UBE2E2: variants seen among roughly 807,000 people sequenced by gnomAD.
UBE2E2 encodes ubiquitin conjugating enzyme E2 E2.
UBE2E2 carries 6 observed loss-of-function variants against 24.7 expected under a neutral mutation model. The observed-to-expected ratio is 0.24, with a 90% CI of 0.13 to 0.48. The LOEUF (loss-of-function observed/expected upper bound fraction) is 0.48, where lower values mean the gene tolerates loss of function less well. Ranked by LOEUF, UBE2E2 falls within the 20% of genes least tolerant of loss-of-function variation. UBE2E2 has a pLI of 0.99. For synonymous variants in UBE2E2, 104 were observed against 83.6 expected (o/e 1.24, Z -1.33); for missense variants, 169 against 245.0 (o/e 0.69, Z 2.07).
At chr3:23,371,156 A>T (rs1263563100) in intron 3 of UBE2E2, among the ~76,000 whole-genome samples, 2 of 152,150 alleles carry the variant, frequency 1.3e-5, no homozygotes, top group African/African-American at 4.8e-5. Flanking sequence ...CAGCATCCCA[A>T]GTAGCTAGGA....
rs201347065 is a variant in UBE2E2, at chr3:23,243,093, AAAAAGAAAAG to A, written c.227+25796_227+25805del. The stretch of plus-strand genomic sequence containing the variant: ...AGAGTGAGACGCTGTTTCAAAAAAA[AAAAAGAAAAG>A]AAAAGAAAAGAAAATAGTTATCACT... On this transcript the variant is annotated intron_variant, in intron 3 of 5. Coordinates refer to ENST00000396703, the MANE Select transcript of UBE2E2 (RefSeq NM_152653.4). Among the ~76,000 whole-genome samples the A allele has an allele frequency of 1.4e-3, 207 of 151,986 alleles. 4 individuals are homozygous for A. Among genetic ancestry groups the A allele is most frequent in the Non-Finnish European group, 4.1e-4 (28 of 67,964 alleles).
At chr3:23,315,195 C>G (rs1178538194) in intron 3 of UBE2E2, among the ~76,000 whole-genome samples, 2 of 152,156 alleles carry the variant, frequency 1.3e-5, no homozygotes, top group South Asian at 4.1e-4. Context: ...CTTCCCCTCC[C>G]CTTTCCCCAG....
chr3:23,365,737 A>G (rs1421000451), intron 3 of UBE2E2, among the ~76,000 whole-genome samples: 1 of 152,188 alleles, frequency 6.6e-6, no homozygotes, highest in East Asian at 1.9e-4. Context: ...TACTGATGAC[A>G]TTCTCCATAG....
chr3:23,247,093 A>C (rs1697432745), intron 3 of UBE2E2, among the ~76,000 whole-genome samples: 9 of 152,142 alleles, frequency 5.9e-5, no homozygotes. Flanking sequence ...AGACCCAAGC[A>C]GTCCTCCTGC....
intron 3 of UBE2E2, among the ~76,000 whole-genome samples, chr3:23,494,350 A>G (rs1214640592): frequency 6.6e-6 from 1 of 152,194 alleles, no homozygotes; most frequent in Admixed American, 6.5e-5. Flanking sequence ...TACCATTTCA[A>G]CATGTAGTTG....
At chr3:23,323,150 C>T (rs1421510954) in intron 3 of UBE2E2, among the ~76,000 whole-genome samples, 1 of 152,054 alleles carries the variant, frequency 6.6e-6, no homozygotes, top group Non-Finnish European at 1.5e-5. Context: ...AAGAAGCTGT[C>T]TATATGTTAT....
rs540213261 is a variant in UBE2E2 at position 23,503,625 on chromosome 3, A to G, written c.360+3885A>G. On this transcript the variant is annotated intron_variant, in intron 4 of 5. Transcript: ENST00000396703. ...TCCCAGCACTTTGGGAGGCTGAGAC[A>G]GGTGGATCATTTGAGATCAGGAGTT... 2.0e-5 allele frequency among the ~76,000 whole-genome samples: 3 copies of G among 152,040 alleles called. 1 individual carries two copies. The highest frequency in any genetic ancestry group is 7.2e-5 in the African/African-American group (3 of 41,506).
chr3:23,524,235 A>G (rs1694936950), intron 4 of UBE2E2, among the ~76,000 whole-genome samples: 1 of 152,074 alleles, frequency 6.6e-6, no homozygotes, highest in Admixed American at 6.6e-5. Context: ...AATTTTTTTT[A>G]TATTTATGCC....
intron 3 of UBE2E2, among the ~76,000 whole-genome samples, chr3:23,301,471 C>T (rs1699086989): frequency 6.6e-6 from 1 of 152,160 alleles, no homozygotes. Flanking sequence ...GTGTGGATGT[C>T]CTTTCTGTTT....
intron 4 of UBE2E2, among the ~76,000 whole-genome samples, chr3:23,527,003 A>G (rs950607561): frequency 7.9e-5 from 12 of 152,364 alleles, no homozygotes; most frequent in East Asian, 3.9e-4. Flanking sequence ...TTTAATAAAA[A>G]CTGAGCAAAA....
At chr3:23,291,001 C>G (rs1180781635) in intron 3 of UBE2E2, among the ~76,000 whole-genome samples, 1 of 146,110 alleles carries the variant, frequency 6.8e-6, no homozygotes. Context: ...CCTAGGAGTT[C>G]AAGGCTGCAG....
At chr3:23,334,908 AT>A (rs1695162049) in intron 3 of UBE2E2, among the ~76,000 whole-genome samples, 1 of 151,788 alleles carries the variant, frequency 6.6e-6, no homozygotes, top group African/African-American at 2.4e-5. Context: ...AAATTCAGCT[AT>A]TTTTTTTCTT....
intron 3 of UBE2E2, among the ~76,000 whole-genome samples, chr3:23,315,443 AACT>A (rs1694547406): frequency 6.6e-6 from 1 of 151,890 alleles, no homozygotes; most frequent in Non-Finnish European, 1.5e-5. Flanking sequence ...TGCATTTTTC[AACT>A]ACAGGATTTC....
At chr3:23,397,530 A>G (rs1416155191) in intron 3 of UBE2E2, among the ~76,000 whole-genome samples, 2 of 152,142 alleles carry the variant, frequency 1.3e-5, no homozygotes, top group African/African-American at 2.4e-5. Context: ...CCCTTTCCCA[A>G]TCATAACCAC....
At chr3:23,257,029 C>G (rs1055212691) in intron 3 of UBE2E2, among the ~76,000 whole-genome samples, 1 of 152,250 alleles carries the variant, frequency 6.6e-6, no homozygotes, top group Non-Finnish European at 1.5e-5. Context: ...ATATTCATTT[C>G]TCCCCTTTGC....
chr3:23,500,611 A>G (rs1699700676), intron 4 of UBE2E2, among the ~76,000 whole-genome samples: 1 of 152,180 alleles, frequency 6.6e-6, no homozygotes, highest in South Asian at 2.1e-4. Flanking sequence ...AGGGATAGAA[A>G]ACTTGTTTGT....
At chr3:23,431,053 T>C (rs528692071) in intron 3 of UBE2E2, among the ~76,000 whole-genome samples, 253 of 152,284 alleles carry the variant, frequency 1.7e-3, no homozygotes, top group African/African-American at 5.5e-3. Flanking sequence ...CAGTGCTGAC[T>C]TTACAACAAT....
intron 3 of UBE2E2, among the ~76,000 whole-genome samples, chr3:23,293,140 G>C (rs1698813616): frequency 6.6e-6 from 1 of 152,226 alleles, no homozygotes; most frequent in Non-Finnish European, 1.5e-5. Context: ...ATTTGGCACA[G>C]TGCCAGTCAC....
chr3:23,253,473 A>G (rs1697634601), intron 3 of UBE2E2, among the ~76,000 whole-genome samples: 1 of 152,210 alleles, frequency 6.6e-6, no homozygotes, highest in Admixed American at 6.5e-5. Flanking sequence ...AAAACAAGAA[A>G]TTGTACATAG....
Sources: gnomAD v4.1 joint callset for allele counts (sites outside exome capture counted in the v4.1 genomes callset) on GRCh38, gnomAD v4.1.1 for gene constraint, MANE v1.5 for transcripts, NCBI Gene and HGNC (gene_info 2026-07-23, HGNC 2026-07-21) for gene names.